Variants in SKOR2 observed in about 807,000 individuals in gnomAD.
The protein encoded by SKOR2 is SKI family transcriptional corepressor 2.
A neutral mutation model predicts 69.1 loss-of-function variants in SKOR2; 47 were observed. The ratio of observed to expected loss-of-function variants is 0.68; its 90% CI spans 0.54 to 0.87. SKOR2 has a LOEUF of 0.87. SKOR2 is among the 40% of genes least tolerant of loss of function. The pLI is 0.00. For missense variants in SKOR2, 1,404 were observed against 1,472.2 expected (o/e 0.95, Z 0.76); for synonymous variants, 717 against 672.6 (o/e 1.07, Z -1.02).
At chr18:47,209,221 T>C (rs2064121109) in intron 8 of SKOR2, among the ~76,000 whole-genome samples, 2 of 152,082 alleles carry the variant, frequency 1.3e-5, no homozygotes, top group Admixed American at 6.6e-5. Context: ...TTGCCTGTGG[T>C]TTTGAAAAGC....
Position 47,248,405 on chromosome 18 carries a change from T to C in SKOR2, c.779A>G (p.Lys260Arg). 7.3e-7 allele frequency: 1 copy of C among 1,378,018 alleles called. No individual in the cohort carries two copies. The highest frequency in any genetic ancestry group is 9.4e-7 in the Non-Finnish European group (1 of 1,065,066). The allele number at this position is 1,378,018 out of a possible 1,614,324, so 85.4% of individuals were successfully genotyped here. Residue 260 changes from lysine (K) to arginine (R), a missense_variant, in exon 2 of 9, where the codon AAG becomes AGG. Physicochemically the swap from Lys to Arg is conservative, Grantham distance 26. Coordinates refer to ENST00000425639, the MANE Select transcript of SKOR2 (RefSeq NM_001278063.4). The surrounding 1 kb of genome is among the most constrained non-coding windows in gnomAD (Gnocchi z 6.4). Reference protein sequence around the residue: ...HPACHPLSSVKAAAVAAAAAV... With the variant: ...HPACHPLSSVRAAAVAAAAAV... Reference sequence around the variant, plus strand: ...GGCCGCGGCGGCCACGGCGGCCGCCTTCACAGAGCTGAGCGGGTGGCAGGC... The same window carrying C: ...GGCCGCGGCGGCCACGGCGGCCGCCCTCACAGAGCTGAGCGGGTGGCAGGC...
At chr18:47,214,847 A>G (rs758875610) in intron 7 of SKOR2, among the ~76,000 whole-genome samples, 1 of 152,140 alleles carries the variant, frequency 6.6e-6, no homozygotes, top group Non-Finnish European at 1.5e-5. Context: ...TTCCATGCAA[A>G]TCTCCTACAA....
chr18:47,245,131 C>A, intron 3 of SKOR2, 149 bp from the exon 4 acceptor site: 1 of 651,538 alleles, frequency 1.5e-6, no homozygotes, highest in Non-Finnish European at 2.6e-6. Flanking sequence ...AATCAGAAGG[C>A]TCTAGGTATT....
chr18:47,234,372 G>T (rs2144499901), intron 4 of SKOR2: 1 of 152,066 alleles, frequency 6.6e-6, no homozygotes, highest in South Asian at 2.1e-4. Context: ...CAGAATTAAT[G>T]AATGGGTTTG....
rs557054270 is a variant in SKOR2, at chr18:47,234,973, C to G, written c.2753-3973G>C. Among the ~76,000 whole-genome samples the G allele has an allele frequency of 2.6e-5, 4 of 152,030 alleles. No individual in the cohort carries two copies. The East Asian group carries it at 7.7e-4, about 29-fold the overall frequency. ...AGCATATTTCTTGGAAGCCCAGCCTCAAACATATCTAAGACTGTAGAAAAA... is the reference window on the plus strand; with the variant it reads ...AGCATATTTCTTGGAAGCCCAGCCTGAAACATATCTAAGACTGTAGAAAAA... On this transcript the variant is annotated intron_variant, in intron 4 of 8. Transcript: ENST00000425639.
intron 7 of SKOR2, among the ~76,000 whole-genome samples, chr18:47,216,699 A>T (rs983300976): frequency 6.6e-6 from 1 of 152,194 alleles, no homozygotes; most frequent in Admixed American, 6.5e-5. Context: ...ACAACATAGG[A>T]TAAATGCATT....
intron 6 of SKOR2, among the ~76,000 whole-genome samples, chr18:47,221,360 A>T (rs577455482): frequency 7.0e-4 from 107 of 152,300 alleles, no homozygotes; most frequent in African/African-American, 2.5e-3. Context: ...GGAACATTAG[A>T]GGGGAGAGCT....
chr18:47,225,046 AAAG>A (rs544363312), intron 6 of SKOR2, among the ~76,000 whole-genome samples: 7 of 152,194 alleles, frequency 4.6e-5, no homozygotes, highest in African/African-American at 1.7e-4. Context: ...CTACAAAAAG[AAAG>A]AAGAAGGAAG....
intron 7 of SKOR2, among the ~76,000 whole-genome samples, chr18:47,214,716 C>T (rs1048434532): frequency 2.0e-5 from 3 of 152,132 alleles, no homozygotes; most frequent in Non-Finnish European, 4.4e-5. Flanking sequence ...AGTGGTGCCT[C>T]TTACAATTGA....
chr18:47,224,552 G>A (rs1441762714), intron 6 of SKOR2, among the ~76,000 whole-genome samples: 2 of 152,152 alleles, frequency 1.3e-5, no homozygotes, highest in African/African-American at 4.8e-5. Flanking sequence ...GCAAGCAGTG[G>A]GCTTTGGGGT....
chr18:47,214,064 A>T (rs2064136251), intron 7 of SKOR2, among the ~76,000 whole-genome samples: 1 of 152,176 alleles, frequency 6.6e-6, no homozygotes, highest in South Asian at 2.1e-4. Flanking sequence ...CACATTTAAG[A>T]AGAGCCCTCA....
At chr18:47,235,232 A>C (rs1422495354) in intron 4 of SKOR2, among the ~76,000 whole-genome samples, 3 of 151,946 alleles carry the variant, frequency 2.0e-5, no homozygotes, top group Non-Finnish European at 4.4e-5. Flanking sequence ...GTGGTGGTGC[A>C]CTCTTCTAGT....
At chr18:47,244,630 AAG>A (rs1359797679) in intron 4 of SKOR2, among the ~76,000 whole-genome samples, 1 of 152,210 alleles carries the variant, frequency 6.6e-6, no homozygotes, top group East Asian at 1.9e-4. Flanking sequence ...GAAGGTTTCT[AAG>A]AGAACATTTC....
Position 47,250,705 on chromosome 18 carries a change from G to A in SKOR2, c.-48+669C>T, listed in dbSNP as rs73426041. ...TCCTCAGTTCTCATTACATTTGGCG[G>A]CCTCCAGGAAGCTTGAACAAACCTC... On this transcript the variant is annotated intron_variant, in intron 1 of 8. Coordinates refer to ENST00000425639, the MANE Select transcript of SKOR2 (RefSeq NM_001278063.4). Among the ~76,000 whole-genome samples, 641 of 152,232 alleles carry A rather than the reference G, an allele frequency of 4.2e-3. 4 individuals are homozygous for A. The highest frequency in any genetic ancestry group is 0.015 in the African/African-American group (624 of 41,522).
intron 8 of SKOR2, among the ~76,000 whole-genome samples, chr18:47,207,190 G>T (rs2064115635): frequency 6.6e-6 from 1 of 152,084 alleles, no homozygotes; most frequent in South Asian, 2.1e-4. Flanking sequence ...TCATGCTCTG[G>T]TGCTCTGCTG....
At chr18:47,238,722 C>G (rs948700530) in intron 4 of SKOR2, among the ~76,000 whole-genome samples, 6 of 152,204 alleles carry the variant, frequency 3.9e-5, no homozygotes, top group African/African-American at 1.4e-4. Flanking sequence ...TAATTTCGGT[C>G]AAGTGTCCAG....
rs181179799 is a variant in SKOR2, at chr18:47,239,807, C to T, written c.2752+5101G>A. Among the ~76,000 whole-genome samples the T allele has an allele frequency of 3.0e-3, 464 of 152,192 alleles. 2 individuals are homozygous for T. Among genetic ancestry groups the T allele is most frequent in the African/African-American group, 0.011 (438 of 41,526 alleles). On this transcript the variant is annotated intron_variant, in intron 4 of 8. Coordinates refer to ENST00000425639, the MANE Select transcript of SKOR2 (RefSeq NM_001278063.4). Reference sequence around the variant, plus strand: ...TTGAAAGACTTCAAAATACATTGTACATAACTAAATGTTGCTAGTAAACTA... The same window carrying T: ...TTGAAAGACTTCAAAATACATTGTATATAACTAAATGTTGCTAGTAAACTA...
rs1423297894 is a variant in SKOR2 at position 47,247,127 on chromosome 18, G to A, written c.2057C>T (p.Pro686Leu). Residue 686 changes from proline (P) to leucine (L), a missense_variant, in exon 2 of 9, where the codon CCG becomes CTG. This residue lies in a region of SKOR2 where 1,266 missense variants were observed against 1,309.9 expected (regional missense o/e 0.97). Coordinates refer to ENST00000425639, the MANE Select transcript of SKOR2 (RefSeq NM_001278063.4). The surrounding 1 kb of genome is among the most constrained non-coding windows in gnomAD (Gnocchi z 6.6). ...LLLLPPQPDE[P>L]GSERHHPAPP... The stretch of plus-strand genomic sequence containing the variant: ...GGCCGGGTGGTGGCGCTCGGAACCC[G>A]GCTCGTCGGGCTGCGGGGGCAGCAG... The A allele has an allele frequency of 3.1e-6, 4 of 1,286,800 alleles. No individual in the cohort carries two copies. Among genetic ancestry groups the A allele is most frequent in the Non-Finnish European group, 3.9e-6 (4 of 1,025,628 alleles). The allele number at this position is 1,286,800 out of a possible 1,614,324, so 79.7% of individuals were successfully genotyped here. A position where few individuals can be genotyped will look rare whatever the true frequency, so the allele number is the denominator to read the frequency against.
intron 4 of SKOR2, among the ~76,000 whole-genome samples, chr18:47,241,168 G>A (rs942461542): frequency 6.6e-6 from 1 of 152,280 alleles, no homozygotes; most frequent in Admixed American, 6.5e-5. Flanking sequence ...GTCTAGGAAA[G>A]TACTTATTAT....
Sources: gnomAD v4.1 joint callset for allele counts (sites outside exome capture counted in the v4.1 genomes callset) on GRCh38, gnomAD v4.1.1 for gene constraint, gnomAD v4.1.1 regional missense constraint, Gnocchi (gnomAD v3.1) non-coding constraint, MANE v1.5 for transcripts, NCBI Gene and HGNC (gene_info 2026-07-23, HGNC 2026-07-21) for gene names.